Variants in CTNND2 observed in about 807,000 individuals in gnomAD.
CTNND2 encodes the protein catenin delta 2, also known as catenin delta-2.
Under a neutral mutation model 144.4 loss-of-function variants are expected in CTNND2, and 22 were observed. That is an observed-to-expected ratio of 0.15 (90% CI 0.11 to 0.22). The LOEUF (loss-of-function observed/expected upper bound fraction) is 0.22. Ranked by LOEUF, CTNND2 falls within the 10% of genes least tolerant of loss-of-function variation. The probability of loss-of-function intolerance (pLI) is 1.00; values close to 1 mark genes in which losing one functional copy is unlikely to be tolerated. For synonymous variants in CTNND2, 751 were observed against 695.6 expected (o/e 1.08, Z -1.25); for missense variants, 1,353 against 1,618.8 (o/e 0.84, Z 2.82).
intron 9 of CTNND2, among the ~76,000 whole-genome samples, chr5:11,315,055 A>T (rs1023282963): frequency 2.6e-5 from 4 of 152,196 alleles, no homozygotes; most frequent in African/African-American, 4.8e-5. Context: ...AATAATCATT[A>T]ATTATAAATT....
chr5:11,330,483 C>CAAAAA lies in CTNND2; in HGVS notation c.1628+15884_1628+15888dup, dbSNP rs10627159. Among the ~76,000 whole-genome samples the CAAAAA allele has an allele frequency of 1.2e-3, 54 of 43,436 alleles. 2 individuals are homozygous for CAAAAA. Among genetic ancestry groups the CAAAAA allele is most frequent in the African/African-American group, 4.0e-3 (45 of 11,248 alleles). 28.5% of individuals were successfully genotyped at this position (43,436 alleles called of 152,430 possible). A position where few individuals can be genotyped will look rare whatever the true frequency, so the allele number is the denominator to read the frequency against. On this transcript the variant is annotated intron_variant, in intron 9 of 21. Transcript: ENST00000304623. ...TGGGTGACAGAGAGAGACTCCGTCT[C>CAAAAA]AAAAAAAAAAAAAAAAAAAAAAAAA...
chr5:11,715,687 A>C (rs1014914501), intron 2 of CTNND2, among the ~76,000 whole-genome samples: 12 of 152,226 alleles, frequency 7.9e-5, no homozygotes, highest in African/African-American at 2.7e-4. Context: ...TAAATGTCTT[A>C]AGATAGAAAT....
Position 11,444,512 on chromosome 5 carries a change from A to G in CTNND2, c.288-32443T>C, listed in dbSNP as rs181489936. 2.6e-4 allele frequency among the ~76,000 whole-genome samples: 39 copies of G among 152,184 alleles called. No homozygotes were observed. The East Asian group carries it at 6.2e-3, about 24-fold the overall frequency. On this transcript the variant is annotated intron_variant, in intron 3 of 21. Coordinates refer to ENST00000304623, the MANE Select transcript of CTNND2 (RefSeq NM_001332.4). ...GAAGTATAAGATGAAGGGCAGTCTG[A>G]CCAACATGGCAAAACCCCATCTCTA... is the stretch of plus-strand genomic sequence containing the variant.
At chr5:11,465,679 C>A (rs138081186) in intron 3 of CTNND2, among the ~76,000 whole-genome samples, 2 of 152,160 alleles carry the variant, frequency 1.3e-5, no homozygotes, top group African/African-American at 4.8e-5. Flanking sequence ...AGGGCACAGA[C>A]CCTGAAAATA....
intron 3 of CTNND2, among the ~76,000 whole-genome samples, chr5:11,519,902 G>A (rs1383045413): frequency 6.6e-6 from 1 of 151,912 alleles, no homozygotes; most frequent in Non-Finnish European, 1.5e-5. Context: ...ACTTTGGGAG[G>A]CTGACACGGG....
At chr5:11,010,938 A>G (rs1376095038) in intron 18 of CTNND2, among the ~76,000 whole-genome samples, 1 of 152,252 alleles carries the variant, frequency 6.6e-6, no homozygotes, top group Non-Finnish European at 1.5e-5. Context: ...GGCAAGAGTG[A>G]ATACAGTGTC....
At chr5:11,833,163 T>C (rs1793996653) in intron 1 of CTNND2, among the ~76,000 whole-genome samples, 1 of 152,194 alleles carries the variant, frequency 6.6e-6, no homozygotes, top group African/African-American at 2.4e-5. Flanking sequence ...AAAAACATGT[T>C]TGATATTTTA....
intron 8 of CTNND2, among the ~76,000 whole-genome samples, chr5:11,359,670 T>C (rs1403118128): frequency 6.6e-6 from 1 of 152,182 alleles, no homozygotes; most frequent in Admixed American, 6.5e-5. Context: ...TATCTGTCTC[T>C]CTATTCAAAG....
intron 18 of CTNND2, among the ~76,000 whole-genome samples, chr5:11,013,786 G>A (rs1183279299): frequency 6.6e-6 from 1 of 152,166 alleles, no homozygotes; most frequent in Non-Finnish European, 1.5e-5. Flanking sequence ...CAGGGGTTAT[G>A]CAGCCCCCTG....
At chr5:11,732,322 A>T in intron 1 of CTNND2, 50 bp from the exon 2 acceptor site, 1 of 1,568,036 alleles carries the variant, frequency 6.4e-7, no homozygotes, top group African/African-American at 1.4e-5. Context: ...GACACTAAAC[A>T]GGTACAACTA....
intron 13 of CTNND2, 99 bp from the exon 14 acceptor site, chr5:11,111,142 C>A: frequency 1.5e-6 from 2 of 1,295,978 alleles, no homozygotes; most frequent in East Asian, 4.7e-5. Flanking sequence ...GGACACATTT[C>A]TCTTTGGAAG....
chr5:11,321,309 A>C (rs959625215), intron 9 of CTNND2, among the ~76,000 whole-genome samples: 1 of 152,220 alleles, frequency 6.6e-6, no homozygotes, highest in Non-Finnish European at 1.5e-5. Flanking sequence ...TAAGATTATT[A>C]CGTCAAATCA....
At chr5:11,874,599 G>A (rs1026779781) in intron 1 of CTNND2, among the ~76,000 whole-genome samples, 1 of 152,198 alleles carries the variant, frequency 6.6e-6, no homozygotes, top group Non-Finnish European at 1.5e-5. Context: ...AGGGAGCAGA[G>A]ACAGCATGCA....
At chr5:11,404,186 A>T (rs1275974558) in intron 5 of CTNND2, among the ~76,000 whole-genome samples, 1 of 152,204 alleles carries the variant, frequency 6.6e-6, no homozygotes, top group Non-Finnish European at 1.5e-5. Context: ...TGAGAAAAAG[A>T]ATGGGAAAGC....
chr5:11,699,048 T>G (rs1055127015), intron 2 of CTNND2, among the ~76,000 whole-genome samples: 17 of 151,260 alleles, frequency 1.1e-4, no homozygotes, highest in African/African-American at 4.1e-4. Flanking sequence ...ATATCATATG[T>G]TCCCCCACAC....
intron 15 of CTNND2, among the ~76,000 whole-genome samples, chr5:11,094,354 T>C (rs1448307784): frequency 2.0e-5 from 3 of 152,204 alleles, no homozygotes; most frequent in Non-Finnish European, 4.4e-5. Flanking sequence ...AAATGGTCTC[T>C]GACAGTTTTT....
intron 21 of CTNND2, among the ~76,000 whole-genome samples, chr5:10,975,553 T>A (rs534045907): frequency 1.3e-5 from 2 of 152,154 alleles, no homozygotes; most frequent in Non-Finnish European, 2.9e-5. Context: ...CAAAACGTCA[T>A]AGCTAGTGGT....
chr5:11,521,318 G>A (rs1772695327), intron 3 of CTNND2, among the ~76,000 whole-genome samples: 1 of 152,172 alleles, frequency 6.6e-6, no homozygotes, highest in South Asian at 2.1e-4. Context: ...CTCTAACTGA[G>A]CCTTCTTTAT....
chr5:11,651,918 G>A (rs903711328), intron 2 of CTNND2, among the ~76,000 whole-genome samples: 12 of 152,096 alleles, frequency 7.9e-5, no homozygotes, highest in Admixed American at 6.5e-4. Context: ...AGGTAGAAGG[G>A]TCTTGACTAG....
Sources: allele counts gnomAD v4.1 joint callset (sites outside exome capture counted in the v4.1 genomes callset), GRCh38; gene constraint gnomAD v4.1.1; transcripts MANE v1.5; gene names NCBI Gene and HGNC (gene_info 2026-07-23, HGNC 2026-07-21).